The following INTS4 variants were observed in gnomAD, a reference collection of about 807,000 sequenced individuals.
The protein encoded by INTS4 is MSTP093.
In INTS4, 70 loss-of-function variants were observed where a neutral mutation model predicts 119.5. That is an observed-to-expected ratio of 0.59 (90% CI 0.48 to 0.71). INTS4 has a LOEUF of 0.71. Among genes scored for constraint, INTS4 ranks in the 30% least tolerant of loss-of-function variants. INTS4 has a pLI of 0.00. For synonymous variants in INTS4, 316 were observed against 419.6 expected, an observed-to-expected ratio of 0.75 and a Z score of 3.02; for missense variants, 867 against 1,173.2, an observed-to-expected ratio of 0.74 and a Z score of 3.81.
At chr11:77,937,855 ATTTT>A (rs1953838478) in intron 10 of INTS4, among the ~76,000 whole-genome samples, 1 of 129,546 alleles carries the variant, frequency 7.7e-6, no homozygotes, top group Admixed American at 7.6e-5. Flanking sequence ...TTATTTATTT[ATTTT>A]TTGAGACAGA....
chr11:77,918,417 A>AG (rs1953259626), intron 15 of INTS4: 1 of 66,680 alleles, frequency 1.5e-5, no homozygotes, highest in African/African-American at 7.3e-5. Context: ...ACCCTGTCTC[A>AG]AAAAAAAAAA....
At chr11:77,933,637 G>A (rs1315839313) in intron 10 of INTS4, among the ~76,000 whole-genome samples, 3 of 152,112 alleles carry the variant, frequency 2.0e-5, no homozygotes, top group South Asian at 2.1e-4. Flanking sequence ...GCCTCTGCCC[G>A]GCCGCCACCC....
At chr11:77,946,013 C>T (rs749218154) in intron 8 of INTS4, among the ~76,000 whole-genome samples, 2 of 152,232 alleles carry the variant, frequency 1.3e-5, no homozygotes, top group African/African-American at 4.8e-5. Context: ...CAGGCCACCG[C>T]GGCAAAGGCC....
At chr11:77,891,622 G>C in intron 20 of INTS4, 59 bp downstream of exon 20, 1 of 1,581,948 alleles carries the variant, frequency 6.3e-7, no homozygotes, top group Admixed American at 1.7e-5. Context: ...AGATCACCAA[G>C]GTAAAGATTT....
At chr11:77,985,931 G>A (rs888798401) in intron 2 of INTS4, among the ~76,000 whole-genome samples, 3 of 152,062 alleles carry the variant, frequency 2.0e-5, no homozygotes, top group African/African-American at 7.2e-5. Flanking sequence ...AAAAAAGTAG[G>A]AAAAAGCAGA....
intron 15 of INTS4, chr11:77,918,012 C>T (rs1181524619): frequency 1.4e-6 from 1 of 700,820 alleles, no homozygotes; most frequent in Admixed American, 2.0e-5. Flanking sequence ...TTAAACAAAC[C>T]ACAGGGTGGA....
chr11:77,910,558 A>G (rs1294671610), intron 15 of INTS4, among the ~76,000 whole-genome samples: 2 of 152,076 alleles, frequency 1.3e-5, no homozygotes, highest in African/African-American at 2.4e-5. Context: ...TAACCTGCAC[A>G]TTGTGCACAT....
rs377702039 is a variant in INTS4, at chr11:77,972,306, C to T, written c.471+6690G>A. On this transcript the variant is annotated intron_variant, in intron 4 of 22. Coordinates refer to ENST00000534064, the MANE Select transcript of INTS4 (RefSeq NM_033547.4). ...TAGAGATGGGGTTTTGCCATGTTGC[C>T]CAGGCTGGTCTCAAACTCCCGGGCT... 2.3e-4 allele frequency among the ~76,000 whole-genome samples: 35 copies of T among 152,198 alleles called. 2 individuals are homozygous for T. The highest frequency in any genetic ancestry group is 8.4e-4 in the African/African-American group (35 of 41,542).
intron 22 of INTS4, 58 bp downstream of exon 22, chr11:77,883,774 G>T: frequency 6.3e-7 from 1 of 1,584,846 alleles, no homozygotes; most frequent in East Asian, 2.3e-5. Flanking sequence ...AAACGCTTAA[G>T]GGTAGGTGTG....
rs1371171377 is a variant in INTS4, at chr11:77,991,297, TGGCTGCAAGG to T, written c.55-8_56del. 1 of 1,612,328 alleles carries T rather than the reference TGGCTGCAAGG, an allele frequency of 6.2e-7. No individual in the cohort carries two copies. The highest frequency in any genetic ancestry group is 1.1e-5 in the South Asian group (1 of 91,020). Reference sequence around the variant, plus strand: ...GTTTCTTAGTAGCAATTTCCTCCTGTGGCTGCAAGGGGTAGAGAAAATCGAAAACACAGAA... The same window carrying T: ...GTTTCTTAGTAGCAATTTCCTCCTGTGGTAGAGAAAATCGAAAACACAGAA... On this transcript the variant is annotated splice_acceptor_variant and splice_polypyrimidine_tract_variant and coding_sequence_variant and intron_variant, in exon 2 of 23. Transcript: ENST00000534064. LOFTEE classifies it high-confidence loss of function.
chr11:77,992,379 G>A (rs535228880), intron 1 of INTS4, among the ~76,000 whole-genome samples: 4 of 151,884 alleles, frequency 2.6e-5, no homozygotes, highest in Non-Finnish European at 4.4e-5. Flanking sequence ...CGAAAAGAGC[G>A]AAACTCCATC....
intron 15 of INTS4, among the ~76,000 whole-genome samples, chr11:77,913,573 A>C (rs1282485971): frequency 2.6e-5 from 4 of 152,168 alleles, no homozygotes; most frequent in Non-Finnish European, 5.9e-5. Context: ...GGCCTCCCAA[A>C]GTGTTGGGAT....
Position 77,932,136 on chromosome 11 carries a change from A to G in INTS4, c.1166-3589T>C, listed in dbSNP as rs982086289. On this transcript the variant is annotated intron_variant, in intron 10 of 22. Coordinates refer to ENST00000534064, the MANE Select transcript of INTS4 (RefSeq NM_033547.4). ...CTTCTGCACAGCAAAAGAAACTATC[A>G]TCAGAGTGAACAGGCAACCTACAGA... 5.9e-5 allele frequency among the ~76,000 whole-genome samples: 9 copies of G among 152,352 alleles called. No homozygotes were observed. In the East Asian group the frequency reaches 1.7e-3, roughly 29 times the overall value.
chr11:77,939,419 G>A (rs565491952), intron 9 of INTS4, among the ~76,000 whole-genome samples: 2 of 151,260 alleles, frequency 1.3e-5, no homozygotes, highest in East Asian at 3.9e-4. Context: ...ACTCCAGCCT[G>A]GCGACAGAGC....
intron 6 of INTS4, among the ~76,000 whole-genome samples, chr11:77,960,019 G>A (rs540969139): frequency 1.1e-4 from 17 of 151,956 alleles, no homozygotes; most frequent in African/African-American, 2.4e-4. Context: ...GTTCATGTAC[G>A]GCCCAACCAA....
intron 4 of INTS4, among the ~76,000 whole-genome samples, chr11:77,968,166 T>C (rs1048781744): frequency 2.0e-5 from 3 of 152,214 alleles, no homozygotes; most frequent in Non-Finnish European, 4.4e-5. Flanking sequence ...CACTGTTGTA[T>C]ATGCAGTCCA....
chr11:77,944,903 T>C (rs1242173783), intron 8 of INTS4, among the ~76,000 whole-genome samples: 1 of 152,110 alleles, frequency 6.6e-6, no homozygotes, highest in African/African-American at 2.4e-5. Context: ...GCATTTTGGA[T>C]AGGGGATACT....
chr11:77,993,585 A>T (rs748060266), intron 1 of INTS4, among the ~76,000 whole-genome samples: 1 of 152,176 alleles, frequency 6.6e-6, no homozygotes, highest in South Asian at 2.1e-4. Flanking sequence ...ATGCCACTGA[A>T]CTTTATACTT....
At chr11:77,932,149 G>A (rs1391346229) in intron 10 of INTS4, among the ~76,000 whole-genome samples, 1 of 152,114 alleles carries the variant, frequency 6.6e-6, no homozygotes, top group African/African-American at 2.4e-5. Context: ...AGAGTGAACA[G>A]GCAACCTACA....
Sources: allele counts gnomAD v4.1 joint callset (sites outside exome capture counted in the v4.1 genomes callset), GRCh38; gene constraint gnomAD v4.1.1; transcripts MANE v1.5; gene names NCBI Gene and HGNC (gene_info 2026-07-23, HGNC 2026-07-21).